The following CNKSR3 variants were observed in gnomAD, a reference collection of about 807,000 sequenced individuals.
CNKSR3 encodes the protein CNKSR family member 3.
In CNKSR3, 36 loss-of-function variants were observed where a neutral mutation model predicts 67.7. That is an observed-to-expected ratio of 0.53 (90% CI 0.41 to 0.70). The LOEUF is 0.70. Ranked by LOEUF, CNKSR3 falls within the 30% of genes least tolerant of loss-of-function variation. The probability of loss-of-function intolerance (pLI) is 0.00; values close to 1 mark genes in which losing one functional copy is unlikely to be tolerated. For missense variants in CNKSR3, 630 were observed against 695.2 expected (o/e 0.91, Z 1.05); for synonymous variants, 281 against 271.4 (o/e 1.04, Z -0.35).
chr6:154,460,175 T>C (rs1258758496), intron 1 of CNKSR3, among the ~76,000 whole-genome samples: 1 of 152,212 alleles, frequency 6.6e-6, no homozygotes, highest in Non-Finnish European at 1.5e-5. Context: ...GAGAAGTTTA[T>C]GCTGATCTAA....
chr6:154,455,649 T>C (rs1006844881), intron 1 of CNKSR3, among the ~76,000 whole-genome samples: 2 of 152,140 alleles, frequency 1.3e-5, no homozygotes, highest in Admixed American at 1.3e-4. Flanking sequence ...CTCGAACTCC[T>C]GACCTCAAGC....
At chr6:154,493,284 C>T (rs1786817500) in intron 1 of CNKSR3, among the ~76,000 whole-genome samples, 6 of 152,192 alleles carry the variant, frequency 3.9e-5, no homozygotes, top group Admixed American at 3.9e-4. Context: ...CATCCCCACT[C>T]CTCCAAATCC....
intron 1 of CNKSR3, among the ~76,000 whole-genome samples, chr6:154,500,256 AACACACACACACACAC>A (rs5881088): frequency 6.8e-6 from 1 of 147,322 alleles, no homozygotes; most frequent in Non-Finnish European, 1.5e-5. Context: ...TAAAATTAGA[AACACACACACACACAC>A]ACACACACAC....
In CNKSR3 at chr6:154,406,398, G is replaced by A; in HGVS notation, c.1624C>T (p.Leu542Phe). ...ATKSSSTEPS[L>F]LVSWFTRLKL... The stretch of plus-strand genomic sequence containing the variant: ...AGGCGCGTAAACCAGCTGACCAGGA[G>A]GGACGGTTCTGTGGACGAGGACTTC... Residue 542 changes from leucine (L) to phenylalanine (F), a missense_variant, in exon 13 of 13, where the codon CTC becomes TTC. Leu to Phe is a conservative substitution (Grantham distance 22). Transcript: ENST00000607772. 2 of 1,614,136 alleles carry A rather than the reference G, an allele frequency of 1.2e-6. No individual in the cohort carries two copies. Among genetic ancestry groups the A allele is most frequent in the Non-Finnish European group, 1.7e-6 (2 of 1,180,034 alleles).
intron 11 of CNKSR3, among the ~76,000 whole-genome samples, chr6:154,410,645 G>A (rs1385606151): frequency 6.6e-6 from 1 of 152,170 alleles, no homozygotes; most frequent in African/African-American, 2.4e-5. Flanking sequence ...TTGAGCCTGT[G>A]AGTCTACAGA....
At chr6:154,409,921 C>G (rs1784873996) in intron 12 of CNKSR3, among the ~76,000 whole-genome samples, 1 of 150,322 alleles carries the variant, frequency 6.7e-6, no homozygotes, top group Non-Finnish European at 1.5e-5. Context: ...GTGGCGTGCA[C>G]CTGTAGTCCC....
rs148032216 is a variant in CNKSR3 at position 154,439,469 on chromosome 6, C to T, written c.507+1823G>A. On this transcript the variant is annotated intron_variant, in intron 4 of 12. Transcript: ENST00000607772. ...TCTCCCTACATTGCAGTGGGGACAG[C>T]CTGAATCAGCCACACAGTTGAGGAC... Among the ~76,000 whole-genome samples, 591 of 152,314 alleles carry T rather than the reference C, an allele frequency of 3.9e-3. 3 individuals are homozygous for T. The highest frequency in any genetic ancestry group is 0.013 in the African/African-American group (553 of 41,564).
chr6:154,428,244 C>T (rs1785294004), intron 6 of CNKSR3, 57 bp from the exon 7 acceptor site: 5 of 1,059,544 alleles, frequency 4.7e-6, no homozygotes, highest in Admixed American at 3.4e-5. Context: ...GACATAGCCC[C>T]GAGTGAGACT....
At chr6:154,498,709 C>T (rs1197437520) in intron 1 of CNKSR3, among the ~76,000 whole-genome samples, 1 of 152,226 alleles carries the variant, frequency 6.6e-6, no homozygotes, top group Non-Finnish European at 1.5e-5. Flanking sequence ...TCTGGACTCT[C>T]ATGGGTTTTG....
At chr6:154,442,877 T>C (rs1473079918) in intron 2 of CNKSR3, among the ~76,000 whole-genome samples, 1 of 146,992 alleles carries the variant, frequency 6.8e-6, no homozygotes, top group Non-Finnish European at 1.5e-5. Context: ...AGACAGCTCA[T>C]TATTTTTTTA....
At chr6:154,445,367 T>G (rs1265745565) in intron 2 of CNKSR3, among the ~76,000 whole-genome samples, 5 of 152,192 alleles carry the variant, frequency 3.3e-5, no homozygotes, top group African/African-American at 1.2e-4. Flanking sequence ...TAAGATGGAT[T>G]TGCATCACAG....
chr6:154,434,600 A>C (rs1226782801), intron 4 of CNKSR3, among the ~76,000 whole-genome samples: 1 of 152,218 alleles, frequency 6.6e-6, no homozygotes, highest in Non-Finnish European at 1.5e-5. Flanking sequence ...CATTTGTTTA[A>C]AATTTTTTCT....
At chr6:154,465,774 G>A (rs929394109) in intron 1 of CNKSR3, among the ~76,000 whole-genome samples, 5 of 152,206 alleles carry the variant, frequency 3.3e-5, no homozygotes. Flanking sequence ...TCTCCCACCT[G>A]GATGGGTCAG....
At chr6:154,444,567 T>A (rs2128718182) in intron 2 of CNKSR3, among the ~76,000 whole-genome samples, 1 of 151,984 alleles carries the variant, frequency 6.6e-6, no homozygotes, top group South Asian at 2.1e-4. Context: ...GCTATTCAGC[T>A]TCTCAAAATT....
At chr6:154,419,978 A>C (rs1345942550) in intron 9 of CNKSR3, among the ~76,000 whole-genome samples, 1 of 152,066 alleles carries the variant, frequency 6.6e-6, no homozygotes, top group Non-Finnish European at 1.5e-5. Flanking sequence ...TACTCAGAGG[A>C]GGCTGAGACA....
At chr6:154,509,727 C>G (rs1787175463) in intron 1 of CNKSR3, among the ~76,000 whole-genome samples, 1 of 152,142 alleles carries the variant, frequency 6.6e-6, no homozygotes, top group Admixed American at 6.5e-5. Context: ...GGGCACCGCA[C>G]CGGGGCCAGG....
chr6:154,423,090 T>G (rs1785179511), intron 7 of CNKSR3, 107 bp from the exon 8 acceptor site: 1 of 750,704 alleles, frequency 1.3e-6, no homozygotes, highest in African/African-American at 1.8e-5. Context: ...AATAACATTT[T>G]CTCAGGAAAA....
At chr6:154,461,146 C>T (rs1786071455) in intron 1 of CNKSR3, among the ~76,000 whole-genome samples, 1 of 152,168 alleles carries the variant, frequency 6.6e-6, no homozygotes, top group African/African-American at 2.4e-5. Context: ...AGTGACCCCA[C>T]GGAGGGTGCT....
intron 1 of CNKSR3, among the ~76,000 whole-genome samples, chr6:154,468,710 C>A (rs1212640522): frequency 1.3e-5 from 2 of 152,126 alleles, no homozygotes; most frequent in Non-Finnish European, 2.9e-5. Flanking sequence ...AACGCCTCCC[C>A]ACACACCAAA....
Sources: gnomAD v4.1 joint callset for allele counts (sites outside exome capture counted in the v4.1 genomes callset) on GRCh38, gnomAD v4.1.1 for gene constraint, MANE v1.5 for transcripts, NCBI Gene and HGNC (gene_info 2026-07-23, HGNC 2026-07-21) for gene names.